PRDM5: variants seen among roughly 807,000 people sequenced by gnomAD.
The protein encoded by PRDM5 is PR domain zinc finger protein 5.
Under a neutral mutation model 81.2 loss-of-function variants are expected in PRDM5, and 56 were observed. That is an observed-to-expected ratio of 0.69 (90% CI 0.56 to 0.86). PRDM5 has a LOEUF of 0.86. PRDM5 is among the 40% of genes least tolerant of loss of function. PRDM5 has a pLI of 0.00. For missense variants in PRDM5, 697 were observed against 770.1 expected (o/e 0.91, Z 1.12); for synonymous variants, 267 against 256.4 (o/e 1.04, Z -0.39).
chr4:120,771,118 T>C (rs370393443), intron 13 of PRDM5, among the ~76,000 whole-genome samples: 1 of 152,158 alleles, frequency 6.6e-6, no homozygotes, highest in Admixed American at 6.5e-5. Context: ...TTATGAGTTC[T>C]TTTAATGTTA....
chr4:120,774,976 GTATA>G (rs1358274415), intron 13 of PRDM5, among the ~76,000 whole-genome samples: 1 of 148,822 alleles, frequency 6.7e-6, no homozygotes, highest in African/African-American at 2.5e-5. Flanking sequence ...ATATGTGTGT[GTATA>G]TGTATATGTG....
intron 14 of PRDM5, among the ~76,000 whole-genome samples, chr4:120,710,772 C>T (rs568475631): frequency 6.6e-6 from 1 of 152,208 alleles, no homozygotes; most frequent in South Asian, 2.1e-4. Context: ...GTGAGCTTCC[C>T]CCTTCCACCA....
intron 14 of PRDM5, among the ~76,000 whole-genome samples, chr4:120,725,444 C>CT (rs1381143637): frequency 6.6e-6 from 1 of 152,180 alleles, no homozygotes; most frequent in African/African-American, 2.4e-5. Flanking sequence ...ACCCTACTGT[C>CT]ATCAGTAGTA....
At chr4:120,685,371 T>C (rs2148974402) in intron 1 of PRDM5, among the ~76,000 whole-genome samples, 1 of 152,250 alleles carries the variant, frequency 6.6e-6, no homozygotes, top group South Asian at 2.1e-4. Flanking sequence ...TCTTTTGATG[T>C]TTTAGTTAAA....
intron 8 of PRDM5, among the ~76,000 whole-genome samples, chr4:120,802,734 G>C (rs1248966599): frequency 6.6e-6 from 1 of 152,174 alleles, no homozygotes; most frequent in Non-Finnish European, 1.5e-5. Context: ...ACCAAAGGTA[G>C]ATAAAACTAC....
intron 15 of PRDM5, among the ~76,000 whole-genome samples, chr4:120,703,432 C>T: frequency 6.6e-6 from 1 of 152,102 alleles, no homozygotes; most frequent in East Asian, 1.9e-4. Flanking sequence ...TTAAACGATC[C>T]TCCTGCCTCG....
chr4:120,709,658 T>A (rs1449065740), intron 15 of PRDM5, among the ~76,000 whole-genome samples: 3 of 152,180 alleles, frequency 2.0e-5, no homozygotes, highest in Non-Finnish European at 2.9e-5. Context: ...TTCCCTAACA[T>A]CTGTGTCAAT....
intron 2 of PRDM5, among the ~76,000 whole-genome samples, chr4:120,898,414 C>G (rs1233113264): frequency 6.6e-6 from 1 of 152,192 alleles, no homozygotes. Context: ...CTTCACACGA[C>G]AAGATTTCCA....
At chr4:120,895,492 C>T (rs545581864) in intron 2 of PRDM5, 3 of 152,258 alleles carry the variant, frequency 2.0e-5, no homozygotes, top group African/African-American at 7.2e-5. Context: ...ATTAGTATTC[C>T]ACTAGTCATC....
intron 4 of PRDM5, among the ~76,000 whole-genome samples, chr4:120,819,547 C>A (rs889507939): frequency 2.8e-4 from 43 of 151,772 alleles, no homozygotes; most frequent in East Asian, 7.8e-4. Flanking sequence ...TTTAAAAAAA[C>A]CAAAATAGCC....
intron 2 of PRDM5, among the ~76,000 whole-genome samples, chr4:120,870,874 A>T (rs771107611): frequency 2.6e-5 from 4 of 152,176 alleles, no homozygotes; most frequent in Non-Finnish European, 5.9e-5. Flanking sequence ...GGTAGGGTTG[A>T]GCCTGGGCAG....
downstream of PRDM5, among the ~76,000 whole-genome samples, chr4:120,691,731 A>G (rs1734064517): frequency 6.6e-6 from 1 of 152,062 alleles, no homozygotes; most frequent in African/African-American, 2.4e-5. Context: ...ACTTGGCTCA[A>G]CTTCAGAGGT....
rs1734136002 is a variant in PRDM5 at position 120,692,612 on chromosome 4, G to C, written c.*2499C>G. Reference sequence around the variant, plus strand: ...ACTAAGAAGACAGTTATTATAAAAGGGTATCTGAACCCACCTACATTATTG... The same window carrying C: ...ACTAAGAAGACAGTTATTATAAAAGCGTATCTGAACCCACCTACATTATTG... On this transcript the variant is annotated 3_prime_UTR_variant, in exon 16 of 16. Coordinates refer to ENST00000264808, the MANE Select transcript of PRDM5 (RefSeq NM_018699.4). 6.6e-6 allele frequency: 1 copy of C among 151,896 alleles called. No homozygotes were observed. Among genetic ancestry groups the C allele is most frequent in the Non-Finnish European group, 1.5e-5 (1 of 67,952 alleles). 9.4% of individuals were successfully genotyped at this position (151,896 alleles called of 1,614,324 possible).
rs1578574677 is a variant in PRDM5, at chr4:120,699,252, A to G, written c.1729-3977T>C. ...TTCCATTTTTGGCTTACTTCTCATC[A>G]CATATGATGATGTCATTATATTTTA... On this transcript the variant is annotated intron_variant, in intron 15 of 15. Transcript: ENST00000264808. Among the ~76,000 whole-genome samples, 3 of 144,710 alleles carry G rather than the reference A, an allele frequency of 2.1e-5. No homozygotes were observed. In the South Asian group the frequency reaches 6.6e-4, roughly 32 times the overall value. 94.9% of individuals were successfully genotyped at this position (144,710 alleles called of 152,430 possible). A position where few individuals can be genotyped will look rare whatever the true frequency, so the allele number is the denominator to read the frequency against.
chr4:120,817,225 G>A (rs974111622), intron 5 of PRDM5, among the ~76,000 whole-genome samples: 2 of 152,118 alleles, frequency 1.3e-5, no homozygotes, highest in African/African-American at 2.4e-5. Flanking sequence ...TTCTAAATAT[G>A]TAGTATCCTG....
At chr4:120,821,042 T>C in intron 4 of PRDM5, 129 bp downstream of exon 4, 1 of 1,131,220 alleles carries the variant, frequency 8.8e-7, no homozygotes, top group Non-Finnish European at 1.3e-6. Flanking sequence ...CCCTCGAGAA[T>C]AATTTTGACA....
chr4:120,793,545 G>A (rs140643358), intron 10 of PRDM5, among the ~76,000 whole-genome samples: 2 of 152,268 alleles, frequency 1.3e-5, no homozygotes, highest in African/African-American at 4.8e-5. Context: ...CAAGAAAGCT[G>A]GGGACCACTG....
chr4:120,913,524 C>A (rs1459488001), intron 1 of PRDM5, among the ~76,000 whole-genome samples: 1 of 152,208 alleles, frequency 6.6e-6, no homozygotes, highest in Non-Finnish European at 1.5e-5. Flanking sequence ...AAATGCATCA[C>A]TTATGAAATA....
chr4:120,710,220 GACACACACACACACACAC>G, intron 15 of PRDM5, 71 bp downstream of exon 15: 1 of 981,582 alleles, frequency 1.0e-6, no homozygotes, highest in Non-Finnish European at 1.5e-6. Flanking sequence ...CACACACACA[GACACACACACACACACAC>G]ATACACACAC....
Sources: gnomAD v4.1 joint callset for allele counts (sites outside exome capture counted in the v4.1 genomes callset) on GRCh38, gnomAD v4.1.1 for gene constraint, MANE v1.5 for transcripts, NCBI Gene and HGNC (gene_info 2026-07-23, HGNC 2026-07-21) for gene names.